Variants in TMEM198 observed in about 807,000 individuals in gnomAD.
TMEM198 encodes transmembrane protein 198.
TMEM198 carries 21 observed loss-of-function variants against 31.5 expected under a neutral mutation model. The observed-to-expected ratio is 0.67, with a 90% CI of 0.47 to 0.96. The LOEUF (loss-of-function observed/expected upper bound fraction) is 0.96. TMEM198 is among the 40% of genes least tolerant of loss of function. The pLI, the probability that TMEM198 is intolerant of heterozygous loss-of-function variation, is 0.00. For missense variants in TMEM198, 447 were observed against 499.4 expected (o/e 0.89, Z 1.00); for synonymous variants, 211 against 223.3 (o/e 0.95, Z 0.49).
chr2:219,548,465 G>T (rs1695441681), intron 3 of TMEM198, among the ~76,000 whole-genome samples: 3 of 152,334 alleles, frequency 2.0e-5, no homozygotes, highest in Admixed American at 6.5e-5. Context: ...GAAGCTATTA[G>T]AGTTAGGGTG....
chr2:219,546,616 A>G (rs983129182), intron 2 of TMEM198, among the ~76,000 whole-genome samples: 3 of 151,920 alleles, frequency 2.0e-5, no homozygotes, highest in South Asian at 2.1e-4. Flanking sequence ...TATTTCTGTC[A>G]ATCTCCCTAA....
In TMEM198 at chr2:219,549,264, C is replaced by T. The variant is rs753115348; in HGVS notation, c.855C>T (p.Pro285=). 3.7e-5 allele frequency: 60 copies of T among 1,613,842 alleles called. No individual in the cohort carries two copies. The highest frequency in any genetic ancestry group is 4.5e-5 in the Non-Finnish European group (53 of 1,180,034). Residue 285 remains proline, a synonymous_variant, in exon 4 of 5, where the codon CCC becomes CCT. Transcript: ENST00000373883. Reference sequence around the variant, plus strand: ...CTCCTCGGGCTCCCCTCAGAGGTCCCCGGGCTCCTCCCAGGCCTGGGCCAC... The same window carrying T: ...CTCCTCGGGCTCCCCTCAGAGGTCCTCGGGCTCCTCCCAGGCCTGGGCCAC... ...KRPPRAPLRG[P]RAPPRPGPPD...
chr2:219,546,024 A>G (rs938411987), intron 2 of TMEM198, among the ~76,000 whole-genome samples: 5 of 152,082 alleles, frequency 3.3e-5, no homozygotes, highest in South Asian at 2.1e-4. Context: ...ATGTTGCTCA[A>G]TGCAGCCTCA....
intron 1 of TMEM198, 98 bp downstream of exon 1, chr2:219,544,475 C>T (rs1314516189): frequency 1.7e-6 from 1 of 586,552 alleles, no homozygotes; most frequent in Admixed American, 2.7e-5. Flanking sequence ...CCCCGACTCC[C>T]GTCCCTCTTT....
chr2:219,545,034 T>C (rs929250252), intron 2 of TMEM198, 141 bp downstream of exon 2: 1 of 1,134,080 alleles, frequency 8.8e-7, no homozygotes, highest in Non-Finnish European at 1.2e-6. Context: ...TTATAGATTG[T>C]CTAGACTCTA....
intron 2 of TMEM198, among the ~76,000 whole-genome samples, chr2:219,545,986 C>G (rs1046700804): frequency 1.1e-4 from 16 of 152,130 alleles, no homozygotes; most frequent in Admixed American, 6.5e-4. Context: ...CACCTCACCC[C>G]CTCCATATCT....
rs1349276270 is a variant in TMEM198, at chr2:219,549,315, A to C, written c.906A>C (p.Pro302=). 1 of 1,613,802 alleles carries C rather than the reference A, an allele frequency of 6.2e-7. No individual in the cohort carries two copies. Among genetic ancestry groups the C allele is most frequent in the Non-Finnish European group, 8.5e-7 (1 of 1,179,972 alleles). The part of the protein sequence containing the change: ...GPPDPAYRRR[P]VPIKRFNGDV... Reference sequence around the variant, plus strand: ...CAGACCCTGCTTATCGGCGCAGGCCAGTGCCCATCAAACGCTTCAATGGAG... The same window carrying C: ...CAGACCCTGCTTATCGGCGCAGGCCCGTGCCCATCAAACGCTTCAATGGAG... The change falls in exon 4 of 5, where the codon CCA becomes CCC. Residue 302 remains proline, a synonymous_variant. Transcript: ENST00000373883.
intron 1 of TMEM198, 137 bp from the exon 2 acceptor site, chr2:219,544,552 A>C: frequency 1.4e-6 from 1 of 707,492 alleles, no homozygotes; most frequent in Admixed American, 2.7e-5. Flanking sequence ...CCCACTCCAG[A>C]GATGCTTCCG....
chr2:219,549,706 C>T lies in TMEM198; in HGVS notation c.946-11C>T, dbSNP rs1272161282. 1.9e-6 allele frequency: 3 copies of T among 1,612,728 alleles called. No homozygotes were observed. Among genetic ancestry groups the T allele is most frequent in the Middle Eastern group, 1.7e-4 (1 of 6,052 alleles). ...GCGGTGGGACTCACACCTATGTTTGCTCCCCCACAGAGCTATATCCAGAGC... is the reference window on the plus strand; with the variant it reads ...GCGGTGGGACTCACACCTATGTTTGTTCCCCCACAGAGCTATATCCAGAGC... On this transcript the variant is annotated splice_polypyrimidine_tract_variant and intron_variant, in intron 4 of 4. Coordinates refer to ENST00000373883, the MANE Select transcript of TMEM198 (RefSeq NM_001005209.3).
In TMEM198 at chr2:219,544,711, CT is replaced by C. The variant is rs1695355187; in HGVS notation, c.-15del. On this transcript the variant is annotated 5_prime_UTR_variant, in exon 2 of 5. Transcript: ENST00000373883. ...CAGGTTAACTTGGGAGGGTGACTCC[CT>C]TCTATTCCCAGCACTATGCCGGGGA... 3 of 1,610,890 alleles carry C rather than the reference CT, an allele frequency of 1.9e-6. No homozygotes were observed. Among genetic ancestry groups the C allele is most frequent in the Non-Finnish European group, 2.5e-6 (3 of 1,178,504 alleles).
At chr2:219,548,935 GC>G in intron 3 of TMEM198, 1 of 541,040 alleles carries the variant, frequency 1.8e-6, no homozygotes, top group East Asian at 3.4e-5. Flanking sequence ...TGGAAGCCTA[GC>G]AACCTTCCAT....
rs758160628 is a variant in TMEM198 at position 219,549,342 on chromosome 2, C to T, written c.933C>T (p.Asp311=). ...TGCCCATCAAACGCTTCAATGGAGA[C>T]GTCCTCTCCCCGGTGAGCTCCCTGA... ...RPVPIKRFNG[D]VLSPSYIQSF... is the part of the protein sequence containing the mutation. Residue 311 remains aspartate (D), a synonymous_variant, in exon 4 of 5, where the codon GAC becomes GAT. Coordinates refer to ENST00000373883, the MANE Select transcript of TMEM198 (RefSeq NM_001005209.3). 1.4e-5 allele frequency: 23 copies of T among 1,612,336 alleles called. No homozygotes were observed. Among genetic ancestry groups the T allele is most frequent in the Non-Finnish European group, 1.8e-5 (21 of 1,179,240 alleles).
rs752558583 is a variant in TMEM198, at chr2:219,549,736, G to A, written c.965G>A (p.Arg322Gln). ...CCACAGAGCTATATCCAGAGCTTCC[G>A]AGACCGGCAGACCGGGAGCTCCCTG... Reference protein sequence around the residue: ...VLSPSYIQSFRDRQTGSSLSS... With the variant: ...VLSPSYIQSFQDRQTGSSLSS... The change falls in exon 5 of 5, where the codon CGA becomes CAA. Residue 322 changes from arginine to glutamine, a missense_variant. Arg to Gln is a conservative substitution (Grantham distance 43). Coordinates refer to ENST00000373883, the MANE Select transcript of TMEM198 (RefSeq NM_001005209.3). 5.0e-6 allele frequency: 8 copies of A among 1,613,848 alleles called. No individual in the cohort carries two copies. Among genetic ancestry groups the A allele is most frequent in the Middle Eastern group, 1.6e-4 (1 of 6,062 alleles).
chr2:219,547,371 G>C, intron 2 of TMEM198, 135 bp from the exon 3 acceptor site: 1 of 691,068 alleles, frequency 1.4e-6, no homozygotes, highest in East Asian at 3.0e-5. Context: ...CATGACTCCA[G>C]TGACCCTCAA....
intron 2 of TMEM198, among the ~76,000 whole-genome samples, chr2:219,546,952 G>A (rs556055084): frequency 7.3e-5 from 11 of 151,680 alleles, no homozygotes; most frequent in South Asian, 2.1e-4. Context: ...CTAATTTTTC[G>A]TATTTTTAGT....
intron 1 of TMEM198, 122 bp from the exon 2 acceptor site, chr2:219,544,567 T>C: frequency 1.3e-6 from 1 of 769,298 alleles, no homozygotes; most frequent in Non-Finnish European, 2.1e-6. Flanking sequence ...CTTCCGGAGC[T>C]GCACAAATGT....
Position 219,550,098 on chromosome 2 carries a change from G to A in TMEM198, c.*244G>A, listed in dbSNP as rs1323381445. On this transcript the variant is annotated 3_prime_UTR_variant, in exon 5 of 5. Coordinates refer to ENST00000373883, the MANE Select transcript of TMEM198 (RefSeq NM_001005209.3). ...ACCCCATTGGGGTGTGCTCAGGGTT[G>A]TGAGTGTGTTGCCCGTGTGTCTGTG... 2.0e-6 allele frequency: 1 copy of A among 503,840 alleles called. No homozygotes were observed. Among genetic ancestry groups the A allele is most frequent in the African/African-American group, 1.9e-5 (1 of 52,450 alleles). The allele number at this position is 503,840 out of a possible 1,614,324, so 31.2% of individuals were successfully genotyped here.
chr2:219,547,439 C>T, intron 2 of TMEM198, 67 bp from the exon 3 acceptor site: 1 of 1,312,074 alleles, frequency 7.6e-7, no homozygotes, highest in South Asian at 2.5e-5. Context: ...TCCTTGACCC[C>T]TTGGACCTGC....
At chr2:219,549,100 G>A (rs1268761538) in intron 3 of TMEM198, 52 bp from the exon 4 acceptor site, 1 of 1,605,356 alleles carries the variant, frequency 6.2e-7, no homozygotes. Flanking sequence ...AGGGCTCAAG[G>A]GAAACAAGGC....
Sources: allele counts gnomAD v4.1 joint callset (sites outside exome capture counted in the v4.1 genomes callset), GRCh38; gene constraint gnomAD v4.1.1; transcripts MANE v1.5; gene names NCBI Gene and HGNC (gene_info 2026-07-23, HGNC 2026-07-21).